POU6F2: variants seen among roughly 807,000 people sequenced by gnomAD.
POU6F2 encodes POU class 6 homeobox 2, also known as POU domain, class 6, transcription factor 2.
A neutral mutation model predicts 71.3 loss-of-function variants in POU6F2; 31 were observed. The observed-to-expected ratio is 0.43, with a 90% CI of 0.33 to 0.59. The LOEUF (loss-of-function observed/expected upper bound fraction) is 0.59. Ranked by LOEUF, POU6F2 falls within the 20% of genes least tolerant of loss-of-function variation. The pLI, the probability that POU6F2 is intolerant of heterozygous loss-of-function variation, is 0.04. For missense variants in POU6F2, 783 were observed against 856.8 expected (o/e 0.91, Z 1.07); for synonymous variants, 347 against 355.7 (o/e 0.98, Z 0.27).
At chr7:39,197,720 A>G (rs372655266) in intron 2 of POU6F2, among the ~76,000 whole-genome samples, 242 of 152,344 alleles carry the variant, frequency 1.6e-3, no homozygotes, top group African/African-American at 5.4e-3. Context: ...CATTTTAAAA[A>G]TCAGACAAAC....
chr7:39,067,402 T>A (rs1377331398), intron 1 of POU6F2, among the ~76,000 whole-genome samples: 18 of 151,852 alleles, frequency 1.2e-4, no homozygotes, highest in Admixed American at 1.2e-3. Flanking sequence ...AGTAATAAAA[T>A]AAAACATAAA....
intron 2 of POU6F2, among the ~76,000 whole-genome samples, chr7:39,192,886 A>C (rs1793698037): frequency 6.6e-6 from 1 of 152,200 alleles, no homozygotes; most frequent in South Asian, 2.1e-4. Context: ...AAAGAGAGAA[A>C]GGAAACAAGA....
intron 5 of POU6F2, among the ~76,000 whole-genome samples, chr7:39,343,361 C>G (rs1785960528): frequency 6.9e-6 from 1 of 145,154 alleles, no homozygotes; most frequent in Admixed American, 6.9e-5. Context: ...TTGATAGAAG[C>G]AGAAACATAA....
intron 2 of POU6F2, 125 bp from the exon 3 acceptor site, chr7:39,204,110 A>G: frequency 1.3e-6 from 1 of 796,150 alleles, no homozygotes; most frequent in East Asian, 2.7e-5. Context: ...TGCAGTTGAT[A>G]AGTGATTTGA....
chr7:39,079,175 A>C (rs1228543481), intron 1 of POU6F2, among the ~76,000 whole-genome samples: 4 of 145,836 alleles, frequency 2.7e-5, no homozygotes, highest in African/African-American at 1.0e-4. Flanking sequence ...TGAGTCTCAC[A>C]ATATCTTTTT....
rs1390014521 is a variant in POU6F2, at chr7:38,989,791, CTGTGTGTGTTTGTGTGTGTGTGTGTG to C, written c.105+11764_105+11789del. ...GAGTAGTAGGATATTAGGCACTGTT[CTGTGTGTGTTTGTGTGTGTGTGTGTG>C]TGTGTGTGTTTGTGTGTGTGTGTGT... is the stretch of plus-strand genomic sequence containing the variant. On this transcript the variant is annotated intron_variant, in intron 1 of 9. Coordinates refer to ENST00000518318, the MANE Select transcript of POU6F2 (RefSeq NM_001370959.1). 1.1e-4 allele frequency among the ~76,000 whole-genome samples: 16 copies of C among 145,384 alleles called. No individual in the cohort carries two copies. In the East Asian group the frequency reaches 3.2e-3, roughly 29 times the overall value.
intron 7 of POU6F2, among the ~76,000 whole-genome samples, chr7:39,440,239 G>A (rs890312054): frequency 6.6e-6 from 1 of 152,150 alleles, no homozygotes; most frequent in African/African-American, 2.4e-5. Context: ...TTCTTGCTAG[G>A]TTGGGGAAGT....
At chr7:39,010,852 C>A (rs891829624) in intron 1 of POU6F2, among the ~76,000 whole-genome samples, 1 of 151,300 alleles carries the variant, frequency 6.6e-6, no homozygotes, top group African/African-American at 2.4e-5. Flanking sequence ...GATTCTTAAT[C>A]CTGAGTGCTA....
intron 1 of POU6F2, among the ~76,000 whole-genome samples, chr7:39,058,439 TC>T (rs1790580527): frequency 6.6e-6 from 1 of 152,144 alleles, no homozygotes; most frequent in African/African-American, 2.4e-5. Flanking sequence ...GTGCAGAGGG[TC>T]CCATTTTGGG....
intron 2 of POU6F2, among the ~76,000 whole-genome samples, chr7:39,162,172 G>A (rs1793010834): frequency 6.6e-6 from 1 of 152,132 alleles, no homozygotes; most frequent in Non-Finnish European, 1.5e-5. Flanking sequence ...TATGTAGCAG[G>A]AGAGAAAAAG....
At position 39,001,258 on chromosome 7, in the gene POU6F2, AT is replaced by A. The variant is rs397937606; in HGVS notation, c.105+23211del. Among the ~76,000 whole-genome samples, 335 of 147,204 alleles carry A rather than the reference AT, an allele frequency of 2.3e-3. 3 individuals are homozygous for A. The highest frequency in any genetic ancestry group is 6.9e-3 in the African/African-American group (276 of 40,244). On this transcript the variant is annotated intron_variant, in intron 1 of 9. Transcript: ENST00000518318. ...TCATTCTTTGACACAGGCCATTTTGATTTTTTTTTTTGCATTGGGTTAGAGT... is the reference window on the plus strand; with the variant it reads ...TCATTCTTTGACACAGGCCATTTTGATTTTTTTTTTGCATTGGGTTAGAGT...
chr7:39,396,161 T>C (rs1201854339), intron 5 of POU6F2, among the ~76,000 whole-genome samples: 2 of 152,214 alleles, frequency 1.3e-5, no homozygotes, highest in Non-Finnish European at 2.9e-5. Context: ...TGTCTACATA[T>C]AACTTGGATA....
chr7:39,368,427 G>T (rs1335444804), intron 5 of POU6F2, among the ~76,000 whole-genome samples: 4 of 152,190 alleles, frequency 2.6e-5, no homozygotes, highest in African/African-American at 7.2e-5. Context: ...AGCTAGCAGA[G>T]GTTGGTCCAT....
intron 4 of POU6F2, among the ~76,000 whole-genome samples, chr7:39,228,379 T>C (rs974510098): frequency 2.0e-5 from 3 of 152,220 alleles, no homozygotes; most frequent in Non-Finnish European, 4.4e-5. Context: ...TGTTGTTTTC[T>C]TGAAGTAGAA....
intron 2 of POU6F2, among the ~76,000 whole-genome samples, chr7:39,144,257 C>T (rs1301610320): frequency 6.6e-6 from 1 of 152,142 alleles, no homozygotes; most frequent in African/African-American, 2.4e-5. Flanking sequence ...GAGATCTTAT[C>T]ATCATATATA....
chr7:39,151,067 T>C (rs1200855558), intron 2 of POU6F2, among the ~76,000 whole-genome samples: 1 of 152,142 alleles, frequency 6.6e-6, no homozygotes, highest in Non-Finnish European at 1.5e-5. Context: ...CATAGAACTC[T>C]TTCAACCTAT....
intron 2 of POU6F2, among the ~76,000 whole-genome samples, chr7:39,124,335 G>A (rs141994081): frequency 1.3e-3 from 193 of 152,220 alleles, no homozygotes; most frequent in Admixed American, 2.8e-3. Flanking sequence ...ATAAGCCACC[G>A]CACCCAGCTG....
intron 1 of POU6F2, among the ~76,000 whole-genome samples, chr7:38,990,481 T>C (rs1206817133): frequency 6.6e-6 from 1 of 152,102 alleles, no homozygotes; most frequent in African/African-American, 2.4e-5. Flanking sequence ...TAGAGTGTAC[T>C]CCTAAATATC....
intron 4 of POU6F2, among the ~76,000 whole-genome samples, chr7:39,338,608 C>T (rs1785836411): frequency 6.6e-6 from 1 of 152,226 alleles, no homozygotes; most frequent in South Asian, 2.1e-4. Flanking sequence ...AATACAGCTA[C>T]ACTTTCCTCT....
Sources: allele counts gnomAD v4.1 joint callset (sites outside exome capture counted in the v4.1 genomes callset), GRCh38; gene constraint gnomAD v4.1.1; transcripts MANE v1.5; gene names NCBI Gene and HGNC (gene_info 2026-07-23, HGNC 2026-07-21).